BRI3: variants seen among roughly 807,000 people sequenced by gnomAD.
The protein encoded by BRI3 is brain protein I3, also known as membrane protein BRI3.
BRI3 carries 6 observed loss-of-function variants against 12.8 expected under a neutral mutation model. The observed-to-expected ratio is 0.47, with a 90% confidence interval of 0.26 to 0.93. BRI3 has a LOEUF of 0.93. BRI3 is among the 40% of genes least tolerant of loss of function. The probability of loss-of-function intolerance (pLI) is 0.15; values close to 1 mark genes in which losing one functional copy is unlikely to be tolerated. For synonymous variants in BRI3, 91 were observed against 76.1 expected (o/e 1.20, Z -1.02); for missense variants, 134 against 171.1 (o/e 0.78, Z 1.21).
downstream of BRI3, chr7:98,294,155 C>T (rs148701332): frequency 8.1e-4 from 1,294 of 1,599,790 alleles, 4 homozygotes; most frequent in African/African-American, 0.015. Context: ...TAGAATTGGT[C>T]TTTTAAAAAT....
exon 2 of BRI3, chr7:98,310,288 G>C: frequency 2.9e-6 from 2 of 697,860 alleles, no homozygotes; most frequent in Non-Finnish European, 4.6e-6. Context: ...TATTTCTTCT[G>C]AACTCACGCT....
chr7:98,290,352 C>T (rs542226060), intron 2 of BRI3, among the ~76,000 whole-genome samples: 6 of 151,858 alleles, frequency 4.0e-5, no homozygotes, highest in South Asian at 2.1e-4. Context: ...CCCGCCACCG[C>T]GCCCGGCTAA....
At chr7:98,308,231 G>C (rs748969406) in exon 2 of BRI3, 1 of 506,180 alleles carries the variant, frequency 2.0e-6, no homozygotes, top group Admixed American at 2.3e-5. Context: ...GAGACAAACC[G>C]CTCCAACGCC....
At chr7:98,283,964 C>T (rs567040573) in intron 2 of BRI3, among the ~76,000 whole-genome samples, 25 of 152,350 alleles carry the variant, frequency 1.6e-4, no homozygotes, top group Admixed American at 1.5e-3. Context: ...TGCCACTTCC[C>T]CTTCCCTAGG....
chr7:98,282,250 C>CT (rs1406027706), intron 1 of BRI3, 101 bp from the exon 2 acceptor site: 61 of 1,081,504 alleles, frequency 5.6e-5, no homozygotes, highest in Non-Finnish European at 7.6e-5. Flanking sequence ...AGACCGGGGG[C>CT]TTTTTTAGCG....
downstream of BRI3, chr7:98,293,053 A>T (rs1376569093): frequency 1.2e-6 from 1 of 855,362 alleles, no homozygotes; most frequent in Admixed American, 5.1e-5. Context: ...TATATTGCTT[A>T]AAATTATGAT....
downstream of BRI3, among the ~76,000 whole-genome samples, chr7:98,294,421 C>T (rs10237767): frequency 3.7e-3 from 566 of 152,332 alleles, no homozygotes; most frequent in African/African-American, 0.013. Flanking sequence ...GAACAGAAAA[C>T]GCTCTGAAAG....
At chr7:98,290,978 TTC>T in intron 2 of BRI3, 131 bp from the exon 3 acceptor site, 1 of 1,052,956 alleles carries the variant, frequency 9.5e-7, no homozygotes, top group South Asian at 1.5e-5. Context: ...GGGGGCTGTT[TTC>T]TGTCACTCGC....
chr7:98,291,524 T>C lies in BRI3; in HGVS notation c.*281T>C, dbSNP rs1799955261. 8.2e-7 allele frequency: 1 copy of C among 1,212,866 alleles called. No individual in the cohort carries two copies. The highest frequency in any genetic ancestry group is 1.6e-5 in the African/African-American group (1 of 63,932). 75.1% of individuals were successfully genotyped at this position (1,212,866 alleles called of 1,614,324 possible). A position where few individuals can be genotyped will look rare whatever the true frequency, so the allele number is the denominator to read the frequency against. ...TTTCAATAAATGAGATTCATACCAT[T>C]GTTGACCTGGTGCTGCTTACTCGGT... On this transcript the variant is annotated 3_prime_UTR_variant, in exon 3 of 3. Transcript: ENST00000297290.
chr7:98,290,712 T>C (rs1344653759), intron 2 of BRI3, among the ~76,000 whole-genome samples: 4 of 150,988 alleles, frequency 2.6e-5, no homozygotes, highest in African/African-American at 9.8e-5. Context: ...TTGGCCAGGC[T>C]GGTCTTGAAC....
At chr7:98,316,561 TGA>T in the BRI3 span, among the ~76,000 whole-genome samples, 2 of 152,208 alleles carry the variant, frequency 1.3e-5, no homozygotes, top group Non-Finnish European at 2.9e-5. Context: ...AGGGCACATG[TGA>T]TAATGATCAA....
chr7:98,306,293 C>A, upstream of BRI3: 1 of 981,732 alleles, frequency 1.0e-6, no homozygotes, highest in Non-Finnish European at 1.6e-6. Context: ...GCAGACAGCA[C>A]TGTGAGCCGC....
At chr7:98,303,980 A>G (rs943595140), upstream of BRI3, among the ~76,000 whole-genome samples, 2 of 152,222 alleles carry the variant, frequency 1.3e-5, no homozygotes, top group African/African-American at 4.8e-5. Context: ...TAGAGTCCAC[A>G]TGAAAGAAGG....
At position 98,281,702 on chromosome 7, in the gene BRI3, C is replaced by G. The variant is rs1291941350; in HGVS notation, c.-94C>G. On this transcript the variant is annotated 5_prime_UTR_variant, in exon 1 of 3. Transcript: ENST00000297290. ...GTCTGCCTCAGAGGGGCCCGAGCCA[C>G]CCGGTCCGCCGCGTCCCCGCCGCCG... is the stretch of plus-strand genomic sequence containing the variant. 1.6e-6 allele frequency: 1 copy of G among 609,858 alleles called. No homozygotes were observed. The highest frequency in any genetic ancestry group is 2.0e-5 in the African/African-American group (1 of 49,474). The allele number at this position is 609,858 out of a possible 1,614,324, so 37.8% of individuals were successfully genotyped here. A position where few individuals can be genotyped will look rare whatever the true frequency, so the allele number is the denominator to read the frequency against.
chr7:98,294,947 G>T (rs1454236407), downstream of BRI3, among the ~76,000 whole-genome samples: 1 of 152,130 alleles, frequency 6.6e-6, no homozygotes, highest in Non-Finnish European at 1.5e-5. Context: ...AAGCCTGGAG[G>T]GTTTAACACT....
chr7:98,294,996 G>A (rs1296450109), downstream of BRI3, among the ~76,000 whole-genome samples: 1 of 152,186 alleles, frequency 6.6e-6, no homozygotes, highest in Non-Finnish European at 1.5e-5. Flanking sequence ...TCAGGCAGCC[G>A]CCCAGGAGAG....
chr7:98,315,400 G>A, downstream of BRI3: 10 of 1,319,514 alleles, frequency 7.6e-6, no homozygotes, highest in South Asian at 2.7e-4. Context: ...AGCCTTCTGG[G>A]GCATTTAAAT....
downstream of BRI3, among the ~76,000 whole-genome samples, chr7:98,294,571 A>C (rs1186507984): frequency 6.6e-6 from 1 of 152,226 alleles, no homozygotes; most frequent in Non-Finnish European, 1.5e-5. Context: ...AAGCTTGAGC[A>C]ACAGAGCGAC....
At chr7:98,296,943 C>A (rs1202474089), downstream of BRI3, among the ~76,000 whole-genome samples, 1 of 152,228 alleles carries the variant, frequency 6.6e-6, no homozygotes, top group Non-Finnish European at 1.5e-5. Context: ...TGAACATAGA[C>A]CTGCCCTCCT....
Sources: allele counts gnomAD v4.1 joint callset (sites outside exome capture counted in the v4.1 genomes callset), GRCh38; gene constraint gnomAD v4.1.1; transcripts MANE v1.5; gene names NCBI Gene and HGNC (gene_info 2026-07-23, HGNC 2026-07-21).